Variants in PITPNM1 observed in about 807,000 individuals in gnomAD.
The protein encoded by PITPNM1 is phosphatidylinositol transfer protein membrane associated 1, also known as membrane-associated phosphatidylinositol transfer protein 1.
Under a neutral mutation model 133.3 loss-of-function variants are expected in PITPNM1, and 74 were observed. The ratio of observed to expected loss-of-function variants is 0.56; its 90% confidence interval spans 0.46 to 0.67. The LOEUF is 0.67. Ranked by LOEUF, PITPNM1 falls within the 30% of genes least tolerant of loss-of-function variation. The pLI is 0.00. For missense variants in PITPNM1, 1,398 were observed against 1,739.5 expected (o/e 0.80, Z 3.49); for synonymous variants, 738 against 741.4 (o/e 1.00, Z 0.08).
In PITPNM1 at chr11:67,495,611, A is replaced by C. The variant is rs1866095094; in HGVS notation, c.2318-9T>G. On this transcript the variant is annotated splice_polypyrimidine_tract_variant and intron_variant, in intron 15 of 23. Coordinates refer to ENST00000356404, the MANE Select transcript of PITPNM1 (RefSeq NM_004910.3). ...CGTCTGCAGAGTGTCGGCTGGGGGA[A>C]GGAGGGCAAGGTCAGCAGGGGCCGG... is the stretch of plus-strand genomic sequence containing the variant. 1 of 1,557,586 alleles carries C rather than the reference A, an allele frequency of 6.4e-7. No individual in the cohort carries two copies. Among genetic ancestry groups the C allele is most frequent in the Non-Finnish European group, 8.6e-7 (1 of 1,158,050 alleles).
chr11:67,496,552 T>C (rs1430189194), intron 14 of PITPNM1: 1 of 526,000 alleles, frequency 1.9e-6, no homozygotes, highest in South Asian at 2.7e-5. Flanking sequence ...GGAATCCCAG[T>C]ACTGCGGGAG....
At position 67,493,716 on chromosome 11, in the gene PITPNM1, C is replaced by T. The variant is rs1425107398; in HGVS notation, c.3130G>A (p.Val1044Met). Residue 1044 changes from valine to methionine, a missense_variant, in exon 21 of 24, where the codon GTG becomes ATG. This residue lies in a region of PITPNM1 where 233 missense variants were observed against 378.0 expected (regional missense o/e 0.62). Coordinates refer to ENST00000356404, the MANE Select transcript of PITPNM1 (RefSeq NM_004910.3). ...SVSIMGSDPKVRAGAVDVVRH... is the reference protein window; with the variant it reads ...SVSIMGSDPKMRAGAVDVVRH... ...ACCACGTCCACGGCGCCAGCTCGCA[C>T]CTTGGGGTCGCTGCCCATGATGGAG... 3.2e-6 allele frequency: 5 copies of T among 1,547,486 alleles called. No individual in the cohort carries two copies. Among genetic ancestry groups the T allele is most frequent in the Admixed American group, 2.0e-5 (1 of 51,000 alleles).
At chr11:67,499,035 G>A (rs1291152447) in intron 8 of PITPNM1, 34 bp from the exon 9 acceptor site, 1 of 1,586,472 alleles carries the variant, frequency 6.3e-7, no homozygotes, top group Non-Finnish European at 8.6e-7. Context: ...GAGGGACGGA[G>A]AGGACCACTG....
chr11:67,501,673 G>A (rs1358403624), intron 5 of PITPNM1, among the ~76,000 whole-genome samples, 189 bp downstream of exon 5: 1 of 152,194 alleles, frequency 6.6e-6, no homozygotes, highest in Middle Eastern at 3.2e-3. Context: ...TGTAGATCAT[G>A]TTACCAGCTT....
chr11:67,494,848 G>T lies in PITPNM1; in HGVS notation c.2740C>A (p.Arg914=), dbSNP rs114707725. 1.7e-4 allele frequency: 270 copies of T among 1,610,470 alleles called. 1 individual carries two copies. The African/African-American group carries it at 3.4e-3, about 20-fold the overall frequency. The change falls in exon 18 of 24, where the codon CGG becomes AGG. Residue 914 remains arginine (R), a splice_region_variant and synonymous_variant. Transcript: ENST00000356404. ...GGGGCGAGGGGCAGGGCACCTACCC[G>T]GATCTTGACCTGCGTGCGTTTTCGC... The part of the protein sequence containing the change: ...WQRKRTQVKI[R]NVTSNHRASD...
In PITPNM1 at chr11:67,496,406, G is replaced by C. The variant is rs1357838845; in HGVS notation, c.2147-58C>G. 2.7e-6 allele frequency: 4 copies of C among 1,479,920 alleles called. No homozygotes were observed. In the African/African-American group the frequency reaches 5.8e-5, roughly 21 times the overall value. 91.7% of individuals were successfully genotyped at this position (1,479,920 alleles called of 1,614,324 possible). A position where few individuals can be genotyped will look rare whatever the true frequency, so the allele number is the denominator to read the frequency against. Reference sequence around the variant, plus strand: ...GTCAGGGTTTCAGCTGGGCACTCTGGGAGGTAGGGGGTGTGGGAGCAGCAC... The same window carrying C: ...GTCAGGGTTTCAGCTGGGCACTCTGCGAGGTAGGGGGTGTGGGAGCAGCAC... On this transcript the variant is annotated intron_variant, in intron 14 of 23. Coordinates refer to ENST00000356404, the MANE Select transcript of PITPNM1 (RefSeq NM_004910.3).
chr11:67,492,972 C>T lies in PITPNM1; in HGVS notation c.3433G>A (p.Val1145Met). 1.2e-6 allele frequency: 2 copies of T among 1,612,988 alleles called. No individual in the cohort carries two copies. Among genetic ancestry groups the T allele is most frequent in the Middle Eastern group, 1.7e-4 (1 of 6,058 alleles). The change falls in exon 23 of 24, where the codon GTG (valine) becomes ATG (methionine). Residue 1145 changes from valine to methionine, a missense_variant. By Grantham distance (21) the Val-to-Met change is conservative (BLOSUM62 1). Transcript: ENST00000356404. ...TGTAGCTTCCGCACGGCACGGCCCA[C>T]GATGTAGGTCTGGCTCGGGGACAGC... ...LGLSPSQTYI[V>M]GRAVRKLQAQ...
At chr11:67,494,146 T>TG in intron 19 of PITPNM1, 76 bp from the exon 20 acceptor site, 2 of 1,431,660 alleles carry the variant, frequency 1.4e-6, no homozygotes, top group Non-Finnish European at 1.9e-6. Flanking sequence ...TCGTCGGGGA[T>TG]GGGTGGGTCT....
At chr11:67,501,821 G>T (rs745709445) in intron 5 of PITPNM1, 41 bp downstream of exon 5, 3 of 1,545,566 alleles carry the variant, frequency 1.9e-6, no homozygotes, top group Non-Finnish European at 2.7e-6. Flanking sequence ...GGGGTCTGGG[G>T]CATGCTGGGT....
Position 67,504,046 on chromosome 11 carries a change from G to T in PITPNM1, c.78+57C>A. ...CCGGTCCCAGCCCCGGGGCAGGGCT[G>T]GCGGGGTCGGCAGGGCTCCACCCCT... On this transcript the variant is annotated intron_variant, in intron 2 of 23. Coordinates refer to ENST00000356404, the MANE Select transcript of PITPNM1 (RefSeq NM_004910.3). This position sits in a 1 kb window ranked among gnomAD's most constrained non-coding sequence, Gnocchi z 5.4. 1 of 1,382,804 alleles carries T rather than the reference G, an allele frequency of 7.2e-7. No homozygotes were observed. The highest frequency in any genetic ancestry group is 1.3e-5 in the South Asian group (1 of 78,872). The allele number at this position is 1,382,804 out of a possible 1,614,324, so 85.7% of individuals were successfully genotyped here. A position where few individuals can be genotyped will look rare whatever the true frequency, so the allele number is the denominator to read the frequency against.
upstream of PITPNM1, among the ~76,000 whole-genome samples, chr11:67,505,895 C>A (rs555425580): frequency 5.3e-5 from 8 of 152,336 alleles, no homozygotes; most frequent in South Asian, 4.1e-4. This position sits in a 1 kb window ranked among gnomAD's most constrained non-coding sequence, Gnocchi z 5.8. Context: ...AAGCCTCCCC[C>A]ACCTCTGCCT....
intron 7 of PITPNM1, 28 bp downstream of exon 7, chr11:67,499,886 C>T: frequency 6.2e-7 from 1 of 1,602,604 alleles, no homozygotes; most frequent in Admixed American, 1.7e-5. Flanking sequence ...GGGACATCCC[C>T]ACTCCCAAAA....
intron 2 of PITPNM1, among the ~76,000 whole-genome samples, chr11:67,503,124 G>A (rs1211697223): frequency 6.6e-6 from 1 of 152,250 alleles, no homozygotes; most frequent in East Asian, 1.9e-4. Context: ...GGAAAAGAAA[G>A]CCTAGAGTAG....
chr11:67,493,981 G>A lies in PITPNM1; in HGVS notation c.2949C>T (p.Phe983=), dbSNP rs537303469. 2 of 1,612,032 alleles carry A rather than the reference G, an allele frequency of 1.2e-6. No homozygotes were observed. The highest frequency in any genetic ancestry group is 2.2e-5 in the East Asian group (1 of 44,858). Residue 983 remains phenylalanine (F), a synonymous_variant, in exon 20 of 24, where the codon TTC becomes TTT. Transcript: ENST00000356404. The stretch of plus-strand genomic sequence containing the variant: ...CCAGCGCGCGTTCTGGGGGAACTGG[G>A]AAGGTGAGGCGGCCCGAGCTATTGG... ...EVTNSSGRLT[F]PVPPERALGI... is the part of the protein sequence containing the mutation.
intron 5 of PITPNM1, among the ~76,000 whole-genome samples, chr11:67,500,669 C>A (rs111838718): frequency 3.3e-5 from 5 of 152,360 alleles, no homozygotes; most frequent in African/African-American, 9.6e-5. Flanking sequence ...GCACTGTCCC[C>A]ACCCCATCAC....
intron 8 of PITPNM1, among the ~76,000 whole-genome samples, 192 bp from the exon 9 acceptor site, chr11:67,499,193 G>A (rs1866233694): frequency 6.6e-6 from 1 of 152,154 alleles, no homozygotes; most frequent in Non-Finnish European, 1.5e-5. Flanking sequence ...TCTTATTGCA[G>A]TCAGGGCTGC....
At position 67,494,419 on chromosome 11, in the gene PITPNM1, G is replaced by A. The variant is rs533311591; in HGVS notation, c.2743-59C>T. ...GCAAAGGATGGGGATGCTTGGGGAG[G>A]GGGAGCGGGTGAGGATCCACACGCA... On this transcript the variant is annotated intron_variant, in intron 18 of 23. Coordinates refer to ENST00000356404, the MANE Select transcript of PITPNM1 (RefSeq NM_004910.3). 63 of 1,258,372 alleles carry A rather than the reference G, an allele frequency of 5.0e-5. 1 individual carries two copies. The South Asian group carries it at 8.5e-4, about 17-fold the overall frequency. The allele number at this position is 1,258,372 out of a possible 1,614,324, so 78.0% of individuals were successfully genotyped here.
In PITPNM1 at chr11:67,497,212, C is replaced by T. The variant is rs772256639; in HGVS notation, c.2146+19G>A. ...GGCAGACAGAGACTAGAGGCGCCCC[C>T]GCAGCCCCTAGGACTCACCCTCCAG... On this transcript the variant is annotated intron_variant, in intron 14 of 23. Transcript: ENST00000356404. 30 of 1,570,664 alleles carry T rather than the reference C, an allele frequency of 1.9e-5. No homozygotes were observed. Among genetic ancestry groups the T allele is most frequent in the African/African-American group, 1.5e-4 (11 of 73,540 alleles).
chr11:67,499,732 C>T lies in PITPNM1; in HGVS notation c.1162G>A (p.Gly388Arg), dbSNP rs756194741. The T allele has an allele frequency of 2.0e-6, 3 of 1,501,864 alleles. No homozygotes were observed. Among genetic ancestry groups the T allele is most frequent in the South Asian group, 2.7e-5 (2 of 74,426 alleles). The allele number at this position is 1,501,864 out of a possible 1,614,324, so 93.0% of individuals were successfully genotyped here. Reference sequence around the variant, plus strand: ...TAGGCGGTATCTTTACCTGGCGTTCCCTCTGCCTCCACTGGGGAGGCAAAG... The same window carrying T: ...TAGGCGGTATCTTTACCTGGCGTTCTCTCTGCCTCCACTGGGGAGGCAAAG... ...DAFASPVEAE[G>R]TPEPGAEAAK... The change falls in exon 8 of 24, where the codon GGA becomes AGA. Residue 388 changes from glycine (G) to arginine (R), a missense_variant. Around this residue, in one of 5 missense-constraint regions of PITPNM1, gnomAD observed 195 missense variants for 178.8 expected, o/e 1.09. Coordinates refer to ENST00000356404, the MANE Select transcript of PITPNM1 (RefSeq NM_004910.3).
Sources: gnomAD v4.1 joint callset for allele counts (sites outside exome capture counted in the v4.1 genomes callset) on GRCh38, gnomAD v4.1.1 for gene constraint, gnomAD v4.1.1 regional missense constraint, Gnocchi (gnomAD v3.1) non-coding constraint, MANE v1.5 for transcripts, NCBI Gene and HGNC (gene_info 2026-07-23, HGNC 2026-07-21) for gene names.